The following MDGA2 variants were observed in gnomAD, a reference collection of about 807,000 sequenced individuals.
The protein encoded by MDGA2 is MAM domain containing glycosylphosphatidylinositol anchor 2, also known as MAM domain-containing glycosylphosphatidylinositol anchor protein 2.
In MDGA2, 40 loss-of-function variants were observed where a neutral mutation model predicts 117.8. The ratio of observed to expected loss-of-function variants is 0.34; its 90% CI spans 0.26 to 0.44. The LOEUF is 0.44. MDGA2 is among the 20% of genes least tolerant of loss of function. The pLI, the probability that MDGA2 is intolerant of heterozygous loss-of-function variation, is 1.00. For missense variants in MDGA2, 1,123 were observed against 1,250.6 expected, an observed-to-expected ratio of 0.90 and a Z score of 1.54; for synonymous variants, 452 against 439.0, an observed-to-expected ratio of 1.03 and a Z score of -0.37.
At chr14:47,383,189 C>G (rs1226228140) in intron 1 of MDGA2, among the ~76,000 whole-genome samples, 1 of 152,100 alleles carries the variant, frequency 6.6e-6, no homozygotes, top group African/African-American at 2.4e-5. Context: ...GATTATCACA[C>G]ACCGGAGCCT....
At chr14:47,373,814 T>A (rs1181608145) in intron 1 of MDGA2, among the ~76,000 whole-genome samples, 1 of 152,182 alleles carries the variant, frequency 6.6e-6, no homozygotes, top group Non-Finnish European at 1.5e-5. Context: ...GGGTGAATTG[T>A]ATGGCATAAG....
intron 1 of MDGA2, among the ~76,000 whole-genome samples, chr14:47,431,335 T>C (rs1892794916): frequency 6.6e-6 from 1 of 151,956 alleles, no homozygotes; most frequent in Non-Finnish European, 1.5e-5. Context: ...TTTCTAAATT[T>C]AGTGAAAAAA....
In MDGA2 at chr14:46,841,807, T is replaced by A. The variant is rs1474428952; in HGVS notation, c.*124A>T. ...CTTAAAAAAATTTGTTTTTATTATT[T>A]TATTTTTGAGTCAGTAGTCAGTGGA... On this transcript the variant is annotated 3_prime_UTR_variant, in exon 17 of 17. Coordinates refer to ENST00000399232, the MANE Select transcript of MDGA2 (RefSeq NM_001113498.3). 1 of 605,326 alleles carries A rather than the reference T, an allele frequency of 1.7e-6. No homozygotes were observed. Among genetic ancestry groups the A allele is most frequent in the Non-Finnish European group, 2.8e-6 (1 of 361,492 alleles). 37.5% of individuals were successfully genotyped at this position (605,326 alleles called of 1,614,324 possible). A position where few individuals can be genotyped will look rare whatever the true frequency, so the allele number is the denominator to read the frequency against.
intron 14 of MDGA2, among the ~76,000 whole-genome samples, chr14:46,868,190 G>A (rs1881853850): frequency 6.6e-6 from 1 of 151,832 alleles, no homozygotes; most frequent in African/African-American, 2.4e-5. Flanking sequence ...CATATCAGGA[G>A]TTTTGGGAAC....
chr14:47,449,430 C>A (rs190743051), intron 1 of MDGA2, among the ~76,000 whole-genome samples: 1 of 152,036 alleles, frequency 6.6e-6, no homozygotes, highest in African/African-American at 2.4e-5. Flanking sequence ...CTATTATAGT[C>A]TTTTCATAAG....
intron 7 of MDGA2, among the ~76,000 whole-genome samples, chr14:47,037,860 C>T (rs1189159296): frequency 6.6e-6 from 1 of 152,072 alleles, no homozygotes; most frequent in Admixed American, 6.6e-5. Context: ...ATATACAATC[C>T]ATATCTGTTC....
intron 1 of MDGA2, among the ~76,000 whole-genome samples, chr14:47,506,234 A>G (rs1222172465): frequency 6.6e-6 from 1 of 152,168 alleles, no homozygotes; most frequent in Admixed American, 6.5e-5. Flanking sequence ...GCAAAGGCGC[A>G]TAACTAAGGC....
At chr14:47,165,090 G>T (rs778077581) in intron 3 of MDGA2, among the ~76,000 whole-genome samples, 1 of 152,032 alleles carries the variant, frequency 6.6e-6, no homozygotes, top group African/African-American at 2.4e-5. Flanking sequence ...ATCACACACC[G>T]GGGCCTGTTG....
intron 8 of MDGA2, among the ~76,000 whole-genome samples, chr14:47,020,034 T>C (rs1252525648): frequency 1.3e-5 from 2 of 152,134 alleles, no homozygotes; most frequent in African/African-American, 2.4e-5. Flanking sequence ...ATACATTTTA[T>C]AGACATATTG....
chr14:47,452,923 C>T (rs1207233448), intron 1 of MDGA2, among the ~76,000 whole-genome samples: 1 of 152,064 alleles, frequency 6.6e-6, no homozygotes, highest in Admixed American at 6.6e-5. Flanking sequence ...CCATGAGTCA[C>T]ATTGTGGAAG....
intron 1 of MDGA2, among the ~76,000 whole-genome samples, chr14:47,644,096 C>A (rs565246178): frequency 1.3e-5 from 2 of 152,234 alleles, no homozygotes; most frequent in South Asian, 4.1e-4. Context: ...CATAGAAAAA[C>A]AGTCACTTCA....
chr14:47,015,068 G>A (rs1387935885), intron 8 of MDGA2, among the ~76,000 whole-genome samples: 4 of 152,196 alleles, frequency 2.6e-5, no homozygotes, highest in African/African-American at 9.6e-5. Context: ...TCAGTGAATA[G>A]GGAGACCCAA....
intron 1 of MDGA2, among the ~76,000 whole-genome samples, chr14:47,451,592 G>A (rs976384496): frequency 6.6e-6 from 1 of 152,066 alleles, no homozygotes; most frequent in African/African-American, 2.4e-5. Context: ...TGAGAAAATA[G>A]ATGCATTTAA....
At chr14:47,007,026 T>G (rs961226019) in intron 8 of MDGA2, among the ~76,000 whole-genome samples, 1 of 151,802 alleles carries the variant, frequency 6.6e-6, no homozygotes, top group African/African-American at 2.4e-5. Flanking sequence ...CAAGAAACTT[T>G]AAGAATATTT....
rs994986562 is a variant in MDGA2 at position 46,936,649 on chromosome 14, A to G, written c.2090-16489T>C. 1.2e-4 allele frequency among the ~76,000 whole-genome samples: 19 copies of G among 152,206 alleles called. No individual in the cohort carries two copies. In the East Asian group the frequency reaches 2.7e-3, roughly 22 times the overall value. On this transcript the variant is annotated intron_variant, in intron 9 of 16. Coordinates refer to ENST00000399232, the MANE Select transcript of MDGA2 (RefSeq NM_001113498.3). Reference sequence around the variant, plus strand: ...GGTATGGATAGCTTCCAAATATCACATCAACAGGATAAAGGACAAAAACCA... The same window carrying G: ...GGTATGGATAGCTTCCAAATATCACGTCAACAGGATAAAGGACAAAAACCA...
At chr14:46,887,295 T>C (rs1252354448) in intron 10 of MDGA2, among the ~76,000 whole-genome samples, 2 of 151,976 alleles carry the variant, frequency 1.3e-5, no homozygotes, top group Non-Finnish European at 2.9e-5. Context: ...ATTTCATGAA[T>C]GAAAAAACTG....
At chr14:47,378,698 C>T (rs1284691232) in intron 1 of MDGA2, among the ~76,000 whole-genome samples, 1 of 152,036 alleles carries the variant, frequency 6.6e-6, no homozygotes, top group African/African-American at 2.4e-5. Context: ...ACAAAGCCTC[C>T]AAGAAATATG....
chr14:46,980,635 T>G (rs1441738939), intron 8 of MDGA2, among the ~76,000 whole-genome samples: 1 of 152,132 alleles, frequency 6.6e-6, no homozygotes, highest in African/African-American at 2.4e-5. Flanking sequence ...TGTGGCAAAC[T>G]TCACTGTTGT....
chr14:47,451,722 G>A (rs1051684757), intron 1 of MDGA2, among the ~76,000 whole-genome samples: 2 of 152,098 alleles, frequency 1.3e-5, no homozygotes, highest in Non-Finnish European at 2.9e-5. Flanking sequence ...TCAATATAAT[G>A]AGATTTCTGT....
Sources: gnomAD v4.1 joint callset for allele counts (sites outside exome capture counted in the v4.1 genomes callset) on GRCh38, gnomAD v4.1.1 for gene constraint, MANE v1.5 for transcripts, NCBI Gene and HGNC (gene_info 2026-07-23, HGNC 2026-07-21) for gene names.